The following ABCG1 variants were observed in gnomAD, a reference collection of about 807,000 sequenced individuals.
ABCG1 encodes the protein ATP-binding cassette sub-family G member 1.
A neutral mutation model predicts 69.2 loss-of-function variants in ABCG1; 29 were observed. That is an observed-to-expected ratio of 0.42 (90% CI 0.31 to 0.57). The LOEUF (loss-of-function observed/expected upper bound fraction) is 0.57. Among genes scored for constraint, ABCG1 ranks in the 20% least tolerant of loss-of-function variants. The probability of loss-of-function intolerance (pLI) is 0.15; values close to 1 mark genes in which losing one functional copy is unlikely to be tolerated. For synonymous variants in ABCG1, 370 were observed against 374.8 expected, an observed-to-expected ratio of 0.99 and a Z score of 0.15; for missense variants, 718 against 898.1, an observed-to-expected ratio of 0.80 and a Z score of 2.56.
intron 2 of ABCG1, among the ~76,000 whole-genome samples, chr21:42,249,580 G>A (rs976841468): frequency 4.6e-5 from 7 of 152,208 alleles, no homozygotes; most frequent in Non-Finnish European, 7.3e-5. Context: ...GTATGCGAAA[G>A]CTTAGAATCG....
chr21:42,244,842 C>T (rs566234325), intron 2 of ABCG1, among the ~76,000 whole-genome samples: 1 of 152,326 alleles, frequency 6.6e-6, no homozygotes, highest in South Asian at 2.1e-4. Flanking sequence ...ACAAAGGGAA[C>T]GACCGTAGGC....
At chr21:42,269,510 GCTCT>G (rs2068577439) in intron 2 of ABCG1, among the ~76,000 whole-genome samples, 1 of 152,212 alleles carries the variant, frequency 6.6e-6, no homozygotes, top group Non-Finnish European at 1.5e-5. Context: ...TTCACCCGCA[GCTCT>G]GAGCTGCTCT....
At chr21:42,271,681 A>G (rs918987682) in intron 3 of ABCG1, among the ~76,000 whole-genome samples, 2 of 152,220 alleles carry the variant, frequency 1.3e-5, no homozygotes, top group African/African-American at 2.4e-5. Flanking sequence ...CAGGAGTTCT[A>G]GACCAGCCTG....
chr21:42,229,457 C>T (rs368500553), intron 2 of ABCG1, among the ~76,000 whole-genome samples: 1 of 152,136 alleles, frequency 6.6e-6, no homozygotes, highest in African/African-American at 2.4e-5. Context: ...CAGTGGCTCA[C>T]GCCTGTAATC....
intron 2 of ABCG1, among the ~76,000 whole-genome samples, chr21:42,267,637 G>GTGGTCTGGGTTCTGTCTGGGTCTC (rs2068534295): frequency 8.0e-6 from 1 of 124,400 alleles, no homozygotes; most frequent in African/African-American, 3.2e-5. Context: ...GTCTGGGTGT[G>GTGGTCTGGGTTCTGTCTGGGTCTC]GTCTGGGTTC....
intron 14 of ABCG1, 96 bp downstream of exon 14, chr21:42,294,756 C>T (rs1378618204): frequency 8.8e-7 from 1 of 1,134,222 alleles, no homozygotes; most frequent in African/African-American, 1.5e-5. Context: ...CCACTCTGGG[C>T]TGCTGGCCAA....
Position 42,264,952 on chromosome 21 carries a change from C to T in ABCG1, c.287-6118C>T, listed in dbSNP as rs149293053. Among the ~76,000 whole-genome samples the T allele has an allele frequency of 2.6e-3, 395 of 152,280 alleles. 1 individual carries two copies. Among genetic ancestry groups the T allele is most frequent in the African/African-American group, 8.5e-3 (352 of 41,570 alleles). ...GCCACTAGCTCTCATGGTTTCTGCC[C>T]GTGGTGGCAGACAGTGAGTGGGAGG... On this transcript the variant is annotated intron_variant, in intron 2 of 14. Coordinates refer to ENST00000398449, the MANE Select transcript of ABCG1 (RefSeq NM_016818.3).
intron 1 of ABCG1, among the ~76,000 whole-genome samples, chr21:42,224,517 C>T (rs540899535): frequency 5.4e-4 from 82 of 152,312 alleles, no homozygotes; most frequent in Middle Eastern, 3.4e-3. Flanking sequence ...CCCACATGCC[C>T]GGGACCAGCA....
At chr21:42,275,832 G>T (rs1055619836) in intron 4 of ABCG1, among the ~76,000 whole-genome samples, 2 of 152,248 alleles carry the variant, frequency 1.3e-5, no homozygotes, top group Admixed American at 1.3e-4. Context: ...GATATTGGCC[G>T]CCCGTTGCGG....
At chr21:42,233,644 A>G (rs2067933190) in intron 2 of ABCG1, among the ~76,000 whole-genome samples, 2 of 152,246 alleles carry the variant, frequency 1.3e-5, no homozygotes, top group African/African-American at 4.8e-5. Flanking sequence ...AACAATAACC[A>G]AATACATTAC....
intron 2 of ABCG1, among the ~76,000 whole-genome samples, chr21:42,262,087 TGGG>T (rs1225016801): frequency 2.6e-5 from 4 of 152,194 alleles, no homozygotes; most frequent in African/African-American, 9.6e-5. Flanking sequence ...TAACCAGGAC[TGGG>T]GGGTTAATGG....
At chr21:42,232,671 C>T (rs1181308872) in intron 2 of ABCG1, among the ~76,000 whole-genome samples, 2 of 152,136 alleles carry the variant, frequency 1.3e-5, no homozygotes, top group East Asian at 1.9e-4. Context: ...GTGGGTGCCC[C>T]CCTGCCTTCC....
chr21:42,244,603 C>T (rs559086696), intron 2 of ABCG1, among the ~76,000 whole-genome samples: 4 of 152,300 alleles, frequency 2.6e-5, no homozygotes, highest in Admixed American at 2.6e-4. Context: ...CATCTAAAAT[C>T]ACGGCAGATT....
At chr21:42,258,542 G>A (rs2068348644) in intron 2 of ABCG1, among the ~76,000 whole-genome samples, 1 of 151,608 alleles carries the variant, frequency 6.6e-6, no homozygotes, top group African/African-American at 2.4e-5. Context: ...ACTCACTCTG[G>A]GATTTGCAAC....
At chr21:42,293,226 A>C (rs562351435) in intron 13 of ABCG1, among the ~76,000 whole-genome samples, 1 of 131,352 alleles carries the variant, frequency 7.6e-6, no homozygotes, top group East Asian at 2.4e-4. Context: ...CACACTACAC[A>C]CTACACACCA....
chr21:42,284,743 A>G, intron 7 of ABCG1, 60 bp downstream of exon 7: 1 of 1,571,352 alleles, frequency 6.4e-7, no homozygotes, highest in Non-Finnish European at 8.6e-7. Flanking sequence ...AGCCTGAATG[A>G]CACCAAACCC....
intron 2 of ABCG1, among the ~76,000 whole-genome samples, chr21:42,248,902 CAAAAAAA>C (rs71332356): frequency 1.1e-5 from 1 of 91,078 alleles, no homozygotes; most frequent in African/African-American, 4.1e-5. Context: ...AGACCTCTCT[CAAAAAAA>C]AAAAAAAAAA....
chr21:42,281,661 A>G (rs983785781), intron 5 of ABCG1, among the ~76,000 whole-genome samples: 5 of 152,034 alleles, frequency 3.3e-5, no homozygotes, highest in African/African-American at 7.2e-5. Flanking sequence ...ATTTACAAGA[A>G]CAAAAGTGAC....
Position 42,288,298 on chromosome 21 carries a change from A to G in ABCG1, c.1210A>G (p.Ile404Val). 1 of 1,608,498 alleles carries G rather than the reference A, an allele frequency of 6.2e-7. No individual in the cohort carries two copies. The highest frequency in any genetic ancestry group is 8.5e-7 in the Non-Finnish European group (1 of 1,176,874). Reference sequence around the variant, plus strand: ...CCTCTTCAAGAGGACCTTCCTCAGCATCATGAGGGACTCGGTAAGGCTGCC... The same window carrying G: ...CCTCTTCAAGAGGACCTTCCTCAGCGTCATGAGGGACTCGGTAAGGCTGCC... ...CILFKRTFLS[I>V]MRDSVLTHLR... The change falls in exon 10 of 15, where the codon ATC (isoleucine) becomes GTC (valine). Residue 404 changes from isoleucine to valine, a missense_variant. By Grantham distance (29) the Ile-to-Val change is conservative (BLOSUM62 3). This residue lies in a region of ABCG1 where 514 missense variants were observed against 574.3 expected (regional missense o/e 0.90). Coordinates refer to ENST00000398449, the MANE Select transcript of ABCG1 (RefSeq NM_016818.3). This position sits in a 1 kb window ranked among gnomAD's most constrained non-coding sequence, Gnocchi z 4.8.
Sources: gnomAD v4.1 joint callset for allele counts (sites outside exome capture counted in the v4.1 genomes callset) on GRCh38, gnomAD v4.1.1 for gene constraint, gnomAD v4.1.1 regional missense constraint, Gnocchi (gnomAD v3.1) non-coding constraint, MANE v1.5 for transcripts, NCBI Gene and HGNC (gene_info 2026-07-23, HGNC 2026-07-21) for gene names.